Variants in DENND5B observed in about 807,000 individuals in gnomAD.
The protein encoded by DENND5B is DENN domain containing 5B.
Under a neutral mutation model 140.6 loss-of-function variants are expected in DENND5B, and 34 were observed. The ratio of observed to expected loss-of-function variants is 0.24; its 90% confidence interval spans 0.18 to 0.32. The LOEUF (loss-of-function observed/expected upper bound fraction) is 0.32, where lower values mean the gene tolerates loss of function less well. Ranked by LOEUF, DENND5B falls within the 10% of genes least tolerant of loss-of-function variation. DENND5B has a pLI of 1.00. For missense variants in DENND5B, 1,142 were observed against 1,560.2 expected (o/e 0.73, Z 4.52); for synonymous variants, 551 against 562.1 (o/e 0.98, Z 0.28).
chr12:31,534,432 G>A lies in DENND5B; in HGVS notation c.128-38513C>T, dbSNP rs566521985. 8.8e-4 allele frequency among the ~76,000 whole-genome samples: 134 copies of A among 151,984 alleles called. 1 individual carries two copies. The highest frequency in any genetic ancestry group is 3.0e-3 in the African/African-American group (126 of 41,462). ...TGACCTCAAGTGATCTGCCTGCCTC[G>A]GCCTCCCAAAGTCATGTCAAGTTTT... On this transcript the variant is annotated intron_variant, in intron 1 of 20. Transcript: ENST00000389082.
intron 6 of DENND5B, among the ~76,000 whole-genome samples, chr12:31,446,235 G>A (rs1032367124): frequency 6.6e-6 from 1 of 151,850 alleles, no homozygotes; most frequent in Admixed American, 6.6e-5. Flanking sequence ...TGCAACCTCC[G>A]CCTCCCGGGT....
chr12:31,414,733 T>C (rs1942632197), intron 12 of DENND5B, among the ~76,000 whole-genome samples: 1 of 151,914 alleles, frequency 6.6e-6, no homozygotes, highest in South Asian at 2.1e-4. Context: ...ATCGAGACCA[T>C]CCTGGCTAAC....
chr12:31,409,248 A>G lies in DENND5B; in HGVS notation c.2803+15T>C, dbSNP rs1942310579. ...TCACCTCAGTAACCCTTAACGGTCA[A>G]TTCTCTAGACTTACTGATAGTGGTG... On this transcript the variant is annotated intron_variant, in intron 14 of 20. Transcript: ENST00000389082. 1.9e-6 allele frequency: 3 copies of G among 1,558,534 alleles called. No homozygotes were observed. Among genetic ancestry groups the G allele is most frequent in the South Asian group, 2.4e-5 (2 of 82,094 alleles).
intron 1 of DENND5B, among the ~76,000 whole-genome samples, chr12:31,589,384 C>A (rs1207674953): frequency 6.6e-6 from 1 of 152,110 alleles, no homozygotes; most frequent in Non-Finnish European, 1.5e-5. Flanking sequence ...TATTATCTCT[C>A]CAAATTTTTT....
intron 19 of DENND5B, 113 bp from the exon 20 acceptor site, chr12:31,389,611 C>T: frequency 1.1e-5 from 11 of 1,006,404 alleles, no homozygotes; most frequent in Non-Finnish European, 1.4e-5. Flanking sequence ...TACAGTCAGT[C>T]CTGAAGCCAA....
chr12:31,478,943 T>C (rs920047337), intron 3 of DENND5B, among the ~76,000 whole-genome samples: 3 of 152,176 alleles, frequency 2.0e-5, no homozygotes, highest in Non-Finnish European at 2.9e-5. Context: ...TGGAAGAACT[T>C]TGAATGAAAG....
chr12:31,476,474 G>A (rs557893128), intron 3 of DENND5B, among the ~76,000 whole-genome samples: 132 of 143,280 alleles, frequency 9.2e-4, no homozygotes, highest in African/African-American at 3.1e-3. Flanking sequence ...ATAGATCAGT[G>A]AGAAAGGAGA....
chr12:31,424,457 G>A, intron 10 of DENND5B, 78 bp downstream of exon 10: 1 of 1,389,182 alleles, frequency 7.2e-7, no homozygotes, highest in Non-Finnish European at 9.5e-7. Flanking sequence ...TTTTTTTAAT[G>A]ACATATTTGT....
At chr12:31,570,192 T>C (rs1301008662) in intron 1 of DENND5B, among the ~76,000 whole-genome samples, 1 of 150,698 alleles carries the variant, frequency 6.6e-6, no homozygotes, top group Non-Finnish European at 1.5e-5. Flanking sequence ...CAATACTCCA[T>C]CTCAAAAACA....
intron 1 of DENND5B, among the ~76,000 whole-genome samples, chr12:31,509,940 C>G (rs921128753): frequency 6.6e-6 from 1 of 152,170 alleles, no homozygotes; most frequent in African/African-American, 2.4e-5. Context: ...TCCCTGCCAA[C>G]TAAGTCCAGA....
At chr12:31,411,184 A>G (rs894391373) in intron 13 of DENND5B, among the ~76,000 whole-genome samples, 5 of 151,674 alleles carry the variant, frequency 3.3e-5, no homozygotes, top group African/African-American at 1.2e-4. Flanking sequence ...GATTACAGGC[A>G]TGTGCCACCA....
intron 3 of DENND5B, among the ~76,000 whole-genome samples, chr12:31,470,393 C>T (rs934691840): frequency 1.3e-5 from 2 of 151,800 alleles, no homozygotes; most frequent in African/African-American, 2.4e-5. Context: ...GGATTACAGG[C>T]GTGATACACT....
At chr12:31,508,957 G>A (rs1032565934) in intron 1 of DENND5B, among the ~76,000 whole-genome samples, 1 of 152,026 alleles carries the variant, frequency 6.6e-6, no homozygotes. Flanking sequence ...GGGGAGGGGC[G>A]AGGTGGAGCC....
Position 31,591,073 on chromosome 12 carries a change from G to A in DENND5B, c.-241C>T, listed in dbSNP as rs1168306524. On this transcript the variant is annotated 5_prime_UTR_variant, in exon 1 of 21. Coordinates refer to ENST00000389082, the MANE Select transcript of DENND5B (RefSeq NM_144973.4). ...GCCGGGTGGGGGAGGGGCGCGGGGG[G>A]AGTGTCGGCCTGAGAGGCCCTCGCA... 2 of 183,286 alleles carry A rather than the reference G, an allele frequency of 1.1e-5. No individual in the cohort carries two copies. Among genetic ancestry groups the A allele is most frequent in the African/African-American group, 4.9e-5 (2 of 41,124 alleles). The allele number at this position is 183,286 out of a possible 1,614,324, so 11.4% of individuals were successfully genotyped here.
At chr12:31,470,111 C>CTTTTT (rs762346220) in intron 3 of DENND5B, among the ~76,000 whole-genome samples, 3 of 105,928 alleles carry the variant, frequency 2.8e-5, no homozygotes, top group Non-Finnish European at 5.3e-5. Context: ...CCATGTCTGG[C>CTTTTT]TTTTTTTTTT....
intron 1 of DENND5B, among the ~76,000 whole-genome samples, chr12:31,582,814 G>A (rs1323338241): frequency 1.3e-5 from 2 of 152,168 alleles, no homozygotes; most frequent in Non-Finnish European, 2.9e-5. Context: ...CTATATTCTG[G>A]TAGATTTTAC....
chr12:31,545,682 G>A (rs534300802), intron 1 of DENND5B, among the ~76,000 whole-genome samples: 12 of 152,072 alleles, frequency 7.9e-5, no homozygotes, highest in East Asian at 1.9e-4. Context: ...GGCCAGGCGC[G>A]GTGGCTCACA....
chr12:31,407,420 C>A (rs1184021729), intron 14 of DENND5B, among the ~76,000 whole-genome samples: 2 of 152,168 alleles, frequency 1.3e-5, no homozygotes, highest in Non-Finnish European at 2.9e-5. Context: ...TGAGCCACCG[C>A]GCCCGGCCCA....
At chr12:31,422,247 G>A (rs1461014574) in intron 11 of DENND5B, among the ~76,000 whole-genome samples, 13 of 124,894 alleles carry the variant, frequency 1.0e-4, no homozygotes, top group African/African-American at 3.0e-4. Flanking sequence ...GTGAAACCCC[G>A]TCTCTACTAA....
Sources: gnomAD v4.1 joint callset for allele counts (sites outside exome capture counted in the v4.1 genomes callset) on GRCh38, gnomAD v4.1.1 for gene constraint, MANE v1.5 for transcripts, NCBI Gene and HGNC (gene_info 2026-07-23, HGNC 2026-07-21) for gene names.